SLC35F4: variants seen among roughly 807,000 people sequenced by gnomAD.
SLC35F4 encodes the protein solute carrier family 35 member F4.
Under a neutral mutation model 44.2 loss-of-function variants are expected in SLC35F4, and 24 were observed. The observed-to-expected ratio is 0.54, with a 90% CI of 0.39 to 0.76. SLC35F4 has a LOEUF of 0.76. Ranked by LOEUF, SLC35F4 falls within the 30% of genes least tolerant of loss-of-function variation. The pLI, the probability that SLC35F4 is intolerant of heterozygous loss-of-function variation, is 0.00. For synonymous variants in SLC35F4, 238 were observed against 223.6 expected, an observed-to-expected ratio of 1.06 and a Z score of -0.57; for missense variants, 562 against 586.1, an observed-to-expected ratio of 0.96 and a Z score of 0.42.
chr14:57,949,356 A>T (rs1003474424), intron 1 of SLC35F4, among the ~76,000 whole-genome samples: 1 of 152,062 alleles, frequency 6.6e-6, no homozygotes, highest in African/African-American at 2.4e-5. Context: ...AATCCTGCTC[A>T]CTTTTGGTGG....
chr14:57,652,568 TG>T (rs1327899930), intron 1 of SLC35F4, among the ~76,000 whole-genome samples: 1 of 152,142 alleles, frequency 6.6e-6, no homozygotes, highest in East Asian at 1.9e-4. Flanking sequence ...TGGGTGCTGC[TG>T]GCATCTAGCA....
intron 1 of SLC35F4, among the ~76,000 whole-genome samples, chr14:57,639,982 GC>G (rs1045954536): frequency 6.6e-6 from 1 of 151,908 alleles, no homozygotes; most frequent in Non-Finnish European, 1.5e-5. Flanking sequence ...CTTCTTCAAA[GC>G]CAACAAAGAC....
intron 1 of SLC35F4, among the ~76,000 whole-genome samples, chr14:57,733,216 G>T (rs2076384055): frequency 6.6e-6 from 1 of 152,092 alleles, no homozygotes; most frequent in Admixed American, 6.6e-5. Context: ...GATTTGGAAA[G>T]TACGTACTTT....
At chr14:57,810,396 C>G (rs544227039) in intron 1 of SLC35F4, among the ~76,000 whole-genome samples, 1 of 152,330 alleles carries the variant, frequency 6.6e-6, no homozygotes, top group South Asian at 2.1e-4. Flanking sequence ...TTTTCTATTG[C>G]GTGTATCCCT....
intron 3 of SLC35F4, among the ~76,000 whole-genome samples, chr14:57,588,349 G>A (rs61362454): frequency 0.33 from 50,019 of 151,660 alleles, 8,328 homozygotes; most frequent in Middle Eastern, 0.37. Context: ...CCATCCACTG[G>A]TGTCCCTATT....
chr14:57,742,046 C>T (rs1386240522), intron 1 of SLC35F4, among the ~76,000 whole-genome samples: 7 of 152,112 alleles, frequency 4.6e-5, no homozygotes, highest in Non-Finnish European at 1.0e-4. Context: ...CACCACCAGG[C>T]CTGCCCTAAA....
chr14:57,711,839 A>G (rs1157092166), intron 1 of SLC35F4, among the ~76,000 whole-genome samples: 1 of 152,248 alleles, frequency 6.6e-6, no homozygotes. Flanking sequence ...GAGCTATTTT[A>G]GAACTATTGG....
intron 1 of SLC35F4, among the ~76,000 whole-genome samples, chr14:57,865,072 C>G (rs969595425): frequency 1.6e-5 from 1 of 62,052 alleles, no homozygotes; most frequent in Non-Finnish European, 3.8e-5. Flanking sequence ...CCCCCCCCCA[C>G]GCCCCCAGTC....
chr14:57,596,911 A>G, intron 1 of SLC35F4: 1 of 1,364,016 alleles, frequency 7.3e-7, no homozygotes, highest in Non-Finnish European at 9.8e-7. Flanking sequence ...AGACATTTTA[A>G]TCACTGTCTT....
intron 1 of SLC35F4, among the ~76,000 whole-genome samples, chr14:57,678,696 A>G (rs957007381): frequency 9.5e-6 from 1 of 105,078 alleles, no homozygotes; most frequent in Non-Finnish European, 2.2e-5. Flanking sequence ...AAATGGAAAG[A>G]AAAAAAAAAA....
At position 57,589,147 on chromosome 14, in the gene SLC35F4, G is replaced by A. The variant is rs1279009794; in HGVS notation, c.587+69C>T. 7 of 1,487,682 alleles carry A rather than the reference G, an allele frequency of 4.7e-6. No individual in the cohort carries two copies. In the South Asian group the frequency reaches 5.5e-5, roughly 12 times the overall value. The allele number at this position is 1,487,682 out of a possible 1,614,324, so 92.2% of individuals were successfully genotyped here. ...AAAAACTCAACTCATATTCCCAAGA[G>A]ATAAAAATAGGCATATTTTCATAAA... On this transcript the variant is annotated intron_variant, in intron 3 of 7. Transcript: ENST00000556826.
chr14:57,564,449 A>G (rs949463879), intron 7 of SLC35F4, 73 bp from the exon 8 acceptor site: 1 of 1,523,296 alleles, frequency 6.6e-7, no homozygotes, highest in East Asian at 2.4e-5. Flanking sequence ...ACCAAAGTCC[A>G]TGTTACTTCT....
At position 57,872,334 on chromosome 14, in the gene SLC35F4, C is replaced by A. The variant is rs372119935; in HGVS notation, n.282+109579G>T. Among the ~76,000 whole-genome samples the A allele has an allele frequency of 1.1e-4, 17 of 152,024 alleles. No homozygotes were observed. The East Asian group carries it at 3.1e-3, about 28-fold the overall frequency. On this transcript the variant is annotated intron_variant and non_coding_transcript_variant, in intron 1 of 1. Transcript: ENST00000556568. Reference sequence around the variant, plus strand: ...ATACAGAGGTACCAAAGTGGACATTCATCCTTTTTTTTTTTTAGTACCCAG... The same window carrying A: ...ATACAGAGGTACCAAAGTGGACATTAATCCTTTTTTTTTTTTAGTACCCAG...
chr14:57,891,917 G>A (rs1032495954), intron 1 of SLC35F4, among the ~76,000 whole-genome samples: 1 of 150,052 alleles, frequency 6.7e-6, no homozygotes, highest in African/African-American at 2.5e-5. Context: ...TTTCTTAAGA[G>A]TCTTTCTGGG....
chr14:57,700,141 T>C (rs141314214), intron 1 of SLC35F4, among the ~76,000 whole-genome samples: 145 of 152,328 alleles, frequency 9.5e-4, no homozygotes, highest in African/African-American at 3.3e-3. Context: ...AGAGTGTACT[T>C]ATACAAATCC....
intron 1 of SLC35F4, among the ~76,000 whole-genome samples, chr14:57,802,330 G>A (rs1394890637): frequency 1.3e-5 from 2 of 152,056 alleles, no homozygotes; most frequent in Non-Finnish European, 2.9e-5. Context: ...AGCCAAAGCA[G>A]TGTTAAGAGG....
chr14:57,916,352 T>A (rs562879121), intron 1 of SLC35F4, among the ~76,000 whole-genome samples: 1 of 152,332 alleles, frequency 6.6e-6, no homozygotes, highest in East Asian at 1.9e-4. Flanking sequence ...CAAATGAGTT[T>A]TGGTGGGGAT....
At chr14:57,897,059 TA>T (rs1360297782) in intron 1 of SLC35F4, among the ~76,000 whole-genome samples, 1 of 152,176 alleles carries the variant, frequency 6.6e-6, no homozygotes, top group Non-Finnish European at 1.5e-5. Context: ...TGAATTTAAC[TA>T]AATACACATA....
chr14:57,809,897 G>C (rs573718672), intron 1 of SLC35F4, among the ~76,000 whole-genome samples: 1 of 152,208 alleles, frequency 6.6e-6, no homozygotes, highest in South Asian at 2.1e-4. Flanking sequence ...CACTATAACT[G>C]GCACATTGAA....
Sources: allele counts gnomAD v4.1 joint callset (sites outside exome capture counted in the v4.1 genomes callset), GRCh38; gene constraint gnomAD v4.1.1; transcripts MANE v1.5; gene names NCBI Gene and HGNC (gene_info 2026-07-23, HGNC 2026-07-21).